Variants in ZNF804B observed in about 807,000 individuals in gnomAD.
The protein encoded by ZNF804B is zinc finger 804B.
A neutral mutation model predicts 101.4 loss-of-function variants in ZNF804B; 80 were observed. The ratio of observed to expected loss-of-function variants is 0.79; its 90% CI spans 0.66 to 0.95. The LOEUF is 0.95. Ranked by LOEUF, ZNF804B falls within the 40% of genes least tolerant of loss-of-function variation. The pLI is 0.00. For missense variants in ZNF804B, 1,673 were observed against 1,561.9 expected, an observed-to-expected ratio of 1.07 and a Z score of -1.20; for synonymous variants, 622 against 558.8, an observed-to-expected ratio of 1.11 and a Z score of -1.59.
chr7:89,003,811 C>G (rs899841767), intron 1 of ZNF804B, among the ~76,000 whole-genome samples: 4 of 151,818 alleles, frequency 2.6e-5, no homozygotes, highest in African/African-American at 9.7e-5. Context: ...CTTTTCATAG[C>G]CACAACATGA....
intron 1 of ZNF804B, among the ~76,000 whole-genome samples, chr7:89,057,768 T>C (rs1225707020): frequency 6.6e-6 from 1 of 152,084 alleles, no homozygotes; most frequent in African/African-American, 2.4e-5. Context: ...TGTGTTTTAT[T>C]ATTCTGTACT....
intron 2 of ZNF804B, among the ~76,000 whole-genome samples, chr7:89,324,278 A>G (rs1398189849): frequency 1.3e-5 from 2 of 152,004 alleles, no homozygotes; most frequent in East Asian, 1.9e-4. Flanking sequence ...ATCATTATGA[A>G]GAAACCTTTC....
intron 2 of ZNF804B, among the ~76,000 whole-genome samples, chr7:89,231,674 AT>A (rs929698232): frequency 3.9e-5 from 6 of 151,946 alleles, no homozygotes; most frequent in African/African-American, 1.4e-4. Flanking sequence ...TATGACACAT[AT>A]TTTAGTGATT....
At chr7:89,076,302 C>T (rs938046485) in intron 1 of ZNF804B, among the ~76,000 whole-genome samples, 12 of 151,974 alleles carry the variant, frequency 7.9e-5, no homozygotes, top group Admixed American at 2.6e-4. Flanking sequence ...ACCCAGTGGG[C>T]GGGTCTTTCC....
intron 1 of ZNF804B, among the ~76,000 whole-genome samples, chr7:88,835,316 C>T (rs574665052): frequency 6.6e-6 from 1 of 151,902 alleles, no homozygotes; most frequent in African/African-American, 2.4e-5. Flanking sequence ...TGATTGCCCC[C>T]TTGTGTCGAT....
At chr7:89,220,848 A>T (rs1788994940) in intron 2 of ZNF804B, among the ~76,000 whole-genome samples, 1 of 151,944 alleles carries the variant, frequency 6.6e-6, no homozygotes, top group Admixed American at 6.6e-5. Flanking sequence ...CATCTCTTTT[A>T]AAATTGTACA....
At chr7:89,240,940 T>C (rs1217887974) in intron 2 of ZNF804B, among the ~76,000 whole-genome samples, 4 of 152,102 alleles carry the variant, frequency 2.6e-5, no homozygotes, top group Non-Finnish European at 5.9e-5. Flanking sequence ...TTATTCTTTG[T>C]TTAACTTTTA....
chr7:89,309,642 C>A (rs1372110797), intron 2 of ZNF804B, among the ~76,000 whole-genome samples: 2 of 151,600 alleles, frequency 1.3e-5, no homozygotes, highest in African/African-American at 2.4e-5. Context: ...CACCTGTAGT[C>A]CCAGCTACTT....
intron 1 of ZNF804B, among the ~76,000 whole-genome samples, chr7:88,964,465 T>C (rs1793428623): frequency 6.6e-6 from 1 of 151,470 alleles, no homozygotes; most frequent in South Asian, 2.1e-4. Context: ...GTGAGATACA[T>C]AGAATAGTCA....
At chr7:88,797,565 G>C (rs1239561834) in intron 1 of ZNF804B, among the ~76,000 whole-genome samples, 1 of 152,080 alleles carries the variant, frequency 6.6e-6, no homozygotes, top group Non-Finnish European at 1.5e-5. Context: ...ACAGGCAATG[G>C]TGTGATTTGT....
chr7:89,122,210 A>G (rs1476538827), intron 1 of ZNF804B, among the ~76,000 whole-genome samples: 1 of 152,192 alleles, frequency 6.6e-6, no homozygotes, highest in Non-Finnish European at 1.5e-5. Flanking sequence ...CAATATTTAA[A>G]GAAACTCAAG....
chr7:89,140,009 A>G (rs1435128958), intron 1 of ZNF804B, among the ~76,000 whole-genome samples: 2 of 152,112 alleles, frequency 1.3e-5, no homozygotes, highest in Non-Finnish European at 2.9e-5. Context: ...ATAAGACTTG[A>G]AAGTGCAAAT....
intron 1 of ZNF804B, among the ~76,000 whole-genome samples, chr7:88,881,820 A>G (rs1007141300): frequency 6.6e-6 from 1 of 152,166 alleles, no homozygotes; most frequent in African/African-American, 2.4e-5. Context: ...TACTATGTAC[A>G]ACTTATATTC....
chr7:89,057,181 AT>A (rs1357738368), intron 1 of ZNF804B, among the ~76,000 whole-genome samples: 2 of 152,160 alleles, frequency 1.3e-5, no homozygotes, highest in Non-Finnish European at 2.9e-5. Flanking sequence ...ATGAAAGTCA[AT>A]TCTTAAACAG....
At chr7:89,204,694 G>A (rs902429168) in intron 1 of ZNF804B, among the ~76,000 whole-genome samples, 1 of 152,066 alleles carries the variant, frequency 6.6e-6, no homozygotes, top group Admixed American at 6.5e-5. Flanking sequence ...CATGTGGCAT[G>A]GATTTGATTA....
intron 1 of ZNF804B, among the ~76,000 whole-genome samples, chr7:89,184,190 G>T (rs1468467156): frequency 6.6e-6 from 1 of 152,158 alleles, no homozygotes; most frequent in East Asian, 1.9e-4. Flanking sequence ...AACTTATGGA[G>T]TGGTAGGACT....
chr7:89,027,226 A>G (rs897471156), intron 1 of ZNF804B, among the ~76,000 whole-genome samples: 1 of 152,026 alleles, frequency 6.6e-6, no homozygotes, highest in African/African-American at 2.4e-5. Flanking sequence ...ACATGTTTAA[A>G]TGCTGCAGAA....
chr7:89,107,996 G>A (rs1233584192), intron 1 of ZNF804B, among the ~76,000 whole-genome samples: 1 of 152,052 alleles, frequency 6.6e-6, no homozygotes, highest in Non-Finnish European at 1.5e-5. Context: ...AGAAGGAAAT[G>A]TCTCAATCTC....
intron 1 of ZNF804B, among the ~76,000 whole-genome samples, chr7:88,915,202 C>A (rs1299746201): frequency 6.6e-6 from 1 of 151,960 alleles, no homozygotes; most frequent in Non-Finnish European, 1.5e-5. Flanking sequence ...TTTAAAAGTA[C>A]AATTTTCTGA....
Sources: allele counts gnomAD v4.1 joint callset (sites outside exome capture counted in the v4.1 genomes callset), GRCh38; gene constraint gnomAD v4.1.1; transcripts MANE v1.5; gene names NCBI Gene and HGNC (gene_info 2026-07-23, HGNC 2026-07-21).